SLCO6A1: variants seen among roughly 807,000 people sequenced by gnomAD.
SLCO6A1 encodes solute carrier organic anion transporter family member 6A1, also known as cancer/testis antigen 48.
SLCO6A1 carries 65 observed loss-of-function variants against 72.7 expected under a neutral mutation model. The ratio of observed to expected loss-of-function variants is 0.89; its 90% CI spans 0.73 to 1.10. The LOEUF (loss-of-function observed/expected upper bound fraction) is 1.10, where lower values mean the gene tolerates loss of function less well. Ranked by LOEUF, SLCO6A1 falls within the 50% of genes least tolerant of loss-of-function variation. The probability of loss-of-function intolerance (pLI) is 0.00; values close to 1 mark genes in which losing one functional copy is unlikely to be tolerated. For missense variants in SLCO6A1, 874 were observed against 872.6 expected (o/e 1.00, Z -0.02); for synonymous variants, 314 against 298.2 (o/e 1.05, Z -0.55).
chr5:102,464,315 G>T (rs571108498), intron 4 of SLCO6A1, among the ~76,000 whole-genome samples: 1 of 152,166 alleles, frequency 6.6e-6, no homozygotes, highest in South Asian at 2.1e-4. Flanking sequence ...CAAAGTTTAA[G>T]GACAGATTGG....
Position 102,498,780 on chromosome 5 carries a change from A to T in SLCO6A1, c.65T>A (p.Leu22Gln). ...QDEVSRGVEP[L>Q]EAARAQPAKD... ...AGCAGGCTGGGCCCGCGCGGCCTCCAGCGGCTCTACTCCCCTTGAGACTTC... is the reference window on the plus strand; with the variant it reads ...AGCAGGCTGGGCCCGCGCGGCCTCCTGCGGCTCTACTCCCCTTGAGACTTC... The change falls in exon 1 of 14, where the codon CTG (leucine) becomes CAG (glutamine). Residue 22 changes from leucine to glutamine, a missense_variant. Physicochemically the swap from Leu to Gln is moderately radical, Grantham distance 113. Coordinates refer to ENST00000506729, the MANE Select transcript of SLCO6A1 (RefSeq NM_173488.5). 6.2e-7 allele frequency: 1 copy of T among 1,613,930 alleles called. No homozygotes were observed. Among genetic ancestry groups the T allele is most frequent in the Non-Finnish European group, 8.5e-7 (1 of 1,179,994 alleles).
At chr5:102,411,596 A>ATTT (rs111501034) in intron 9 of SLCO6A1, among the ~76,000 whole-genome samples, 1 of 148,012 alleles carries the variant, frequency 6.8e-6, no homozygotes, top group African/African-American at 2.5e-5. Flanking sequence ...CTAAGCTCTG[A>ATTT]TTTTTTTTTT....
At chr5:102,412,120 C>T (rs1376174185) in intron 9 of SLCO6A1, among the ~76,000 whole-genome samples, 1 of 152,040 alleles carries the variant, frequency 6.6e-6, no homozygotes, top group Non-Finnish European at 1.5e-5. Context: ...AATTTACCTA[C>T]AGCCTGGAAG....
intron 12 of SLCO6A1, among the ~76,000 whole-genome samples, chr5:102,381,385 T>G (rs1033505223): frequency 2.0e-5 from 3 of 151,812 alleles, no homozygotes; most frequent in Non-Finnish European, 4.4e-5. Context: ...TCACCCACAT[T>G]GTTGCAAAAG....
At chr5:102,435,624 C>G (rs1749487556) in intron 7 of SLCO6A1, among the ~76,000 whole-genome samples, 1 of 152,158 alleles carries the variant, frequency 6.6e-6, no homozygotes, top group Non-Finnish European at 1.5e-5. Context: ...CCTTTAATCC[C>G]AGCACTTTGG....
chr5:102,413,752 G>A (rs1748119342), intron 8 of SLCO6A1, among the ~76,000 whole-genome samples: 1 of 152,066 alleles, frequency 6.6e-6, no homozygotes, highest in Non-Finnish European at 1.5e-5. Flanking sequence ...AGTTTCGTTT[G>A]TTCTCCTCAC....
rs192866254 is a variant in SLCO6A1, at chr5:102,381,225, T to A, written c.2017+7463A>T. Among the ~76,000 whole-genome samples, 10 of 151,868 alleles carry A rather than the reference T, an allele frequency of 6.6e-5. No homozygotes were observed. In the East Asian group the frequency reaches 1.9e-3, roughly 29 times the overall value. ...TTTTATATCCTTTGACCAATATCTC[T>A]CATTTCCCATTTCCATCACCAGCCC... On this transcript the variant is annotated intron_variant, in intron 12 of 13. Coordinates refer to ENST00000506729, the MANE Select transcript of SLCO6A1 (RefSeq NM_173488.5).
intron 2 of SLCO6A1, 54 bp downstream of exon 2, chr5:102,480,123 C>T: frequency 6.7e-7 from 1 of 1,482,220 alleles, no homozygotes; most frequent in Non-Finnish European, 9.1e-7. Context: ...TTCCTTGAGC[C>T]AAGGTTTGAA....
chr5:102,442,096 C>T (rs540867880), intron 6 of SLCO6A1, among the ~76,000 whole-genome samples: 2 of 152,266 alleles, frequency 1.3e-5, no homozygotes, highest in Admixed American at 6.5e-5. Flanking sequence ...TCTGTACTAG[C>T]TGCAACAGGC....
At chr5:102,444,657 AAC>A (rs1409653703) in intron 6 of SLCO6A1, among the ~76,000 whole-genome samples, 1 of 152,152 alleles carries the variant, frequency 6.6e-6, no homozygotes, top group Admixed American at 6.5e-5. Flanking sequence ...TTTCAGAAAA[AAC>A]AGTTTATTTA....
At chr5:102,468,213 C>A (rs4703230) in intron 4 of SLCO6A1, among the ~76,000 whole-genome samples, 1 of 151,876 alleles carries the variant, frequency 6.6e-6, no homozygotes, top group African/African-American at 2.4e-5. Flanking sequence ...ATATGCTTTC[C>A]ATTGTCTTAA....
At chr5:102,498,081 T>C (rs1327917149) in intron 1 of SLCO6A1, among the ~76,000 whole-genome samples, 1 of 152,040 alleles carries the variant, frequency 6.6e-6, no homozygotes, top group African/African-American at 2.4e-5. Flanking sequence ...CACACTATGA[T>C]TCCCTGACCA....
chr5:102,438,467 A>G (rs1266435399), intron 7 of SLCO6A1, 150 bp downstream of exon 7: 1 of 548,516 alleles, frequency 1.8e-6, no homozygotes, highest in Non-Finnish European at 2.9e-6. Flanking sequence ...TATTGACACT[A>G]TGATGGCAAA....
intron 7 of SLCO6A1, among the ~76,000 whole-genome samples, chr5:102,436,025 T>C (rs1749515913): frequency 6.6e-6 from 1 of 152,204 alleles, no homozygotes; most frequent in Admixed American, 6.5e-5. Flanking sequence ...ACATTTAATA[T>C]ACTGTATTAG....
At chr5:102,490,626 G>A (rs1328399730) in intron 1 of SLCO6A1, among the ~76,000 whole-genome samples, 1 of 152,156 alleles carries the variant, frequency 6.6e-6, no homozygotes, top group Non-Finnish European at 1.5e-5. Flanking sequence ...TTGTTCTGAT[G>A]TTCGGGTGTG....
intron 8 of SLCO6A1, among the ~76,000 whole-genome samples, chr5:102,418,157 C>G (rs1226807405): frequency 6.6e-6 from 1 of 151,652 alleles, no homozygotes; most frequent in Non-Finnish European, 1.5e-5. Context: ...TAAAAATATG[C>G]CATTACCCTT....
intron 7 of SLCO6A1, among the ~76,000 whole-genome samples, chr5:102,427,574 A>G (rs1748961783): frequency 6.6e-6 from 1 of 152,066 alleles, no homozygotes; most frequent in South Asian, 2.1e-4. Context: ...AAACAAGGAA[A>G]GACTGAGAAA....
rs11738522 is a variant in SLCO6A1 at position 102,429,917 on chromosome 5, T to A, written c.1276+8700A>T. ...GGGCAGTGTGGCCATTTTAAAGATA[T>A]TGATTCTTCCTATTCATAAGCATGG... is the stretch of plus-strand genomic sequence containing the variant. On this transcript the variant is annotated intron_variant, in intron 7 of 13. Transcript: ENST00000506729. Among the ~76,000 whole-genome samples the A allele has an allele frequency of 9.6e-3, 1,462 of 152,340 alleles. 8 individuals are homozygous for A. Among genetic ancestry groups the A allele is most frequent in the Non-Finnish European group, 0.016 (1,100 of 68,030 alleles).
At chr5:102,459,521 A>T (rs775255798) in intron 5 of SLCO6A1, 135 bp downstream of exon 5, 11 of 955,774 alleles carry the variant, frequency 1.2e-5, no homozygotes, top group African/African-American at 1.7e-5. Flanking sequence ...TTGACACTGT[A>T]TCTCTATGAC....
Sources: gnomAD v4.1 joint callset for allele counts (sites outside exome capture counted in the v4.1 genomes callset) on GRCh38, gnomAD v4.1.1 for gene constraint, MANE v1.5 for transcripts, NCBI Gene and HGNC (gene_info 2026-07-23, HGNC 2026-07-21) for gene names.